LPA: variants seen among roughly 807,000 people sequenced by gnomAD.
LPA encodes the protein lipoprotein(a).
In LPA, 199 loss-of-function variants were observed where a neutral mutation model predicts 197.9. The ratio of observed to expected loss-of-function variants is 1.01; its 90% CI spans 0.90 to 1.13. LPA has a LOEUF of 1.13. LPA is among the 50% of genes most tolerant of loss of function. The pLI is 0.00. For synonymous variants in LPA, 715 were observed against 639.5 expected (o/e 1.12, Z -1.78); for missense variants, 1,853 against 1,785.8 (o/e 1.04, Z -0.68).
chr6:160,555,463 GTATATATATATGTA>G (rs1215825865), intron 30 of LPA, among the ~76,000 whole-genome samples: 1 of 103,740 alleles, frequency 9.6e-6, no homozygotes, highest in Non-Finnish European at 2.1e-5. Flanking sequence ...ATATGTGTGT[GTATATATATATGTA>G]TATATATATG....
chr6:160,611,585 C>T lies in LPA; in HGVS notation c.2580G>A (p.Arg860=). 2 of 1,604,838 alleles carry T rather than the reference C, an allele frequency of 1.2e-6. No individual in the cohort carries two copies. Among genetic ancestry groups the T allele is most frequent in the Middle Eastern group, 2.0e-4 (1 of 5,000 alleles). The change falls in exon 16 of 39, where the codon CGG becomes CGA. Residue 860 remains arginine, a synonymous_variant. Transcript: ENST00000316300. The part of the protein sequence containing the change: ...WSSMTPHSHS[R]TPEYYPNAGL... ...ACGCATTTGGGTAGTATTCTGGGGT[C>T]CGACTATGCGAGTGTGGTGTCATAG... is the stretch of plus-strand genomic sequence containing the variant.
chr6:160,594,108 T>G lies in LPA; in HGVS notation c.3479A>C (p.Glu1160Ala). The change falls in exon 22 of 39, where the codon GAG becomes GCG. Residue 1160 changes from glutamate (E) to alanine (A), a missense_variant. By Grantham distance (107) the Glu-to-Ala change is moderately radical. This residue lies in a region of LPA where 1,737 missense variants were observed against 1,504.4 expected (regional missense o/e 1.15). Transcript: ENST00000316300. Reference sequence around the variant, plus strand: ...GCAATCCTGGACCCCGGGGCTTTGCTCCGTTGGTGCTGAAATTCAAAGAGG... The same window carrying G: ...GCAATCCTGGACCCCGGGGCTTTGCGCCGTTGGTGCTGAAATTCAAAGAGG... ...TEASSEEAPT[E>A]QSPGVQDCYH... 1 of 1,613,830 alleles carries G rather than the reference T, an allele frequency of 6.2e-7. No individual in the cohort carries two copies. Among genetic ancestry groups the G allele is most frequent in the Middle Eastern group, 1.7e-4 (1 of 6,060 alleles).
At chr6:160,555,287 A>ATATTT (rs1412887783) in intron 30 of LPA, among the ~76,000 whole-genome samples, 2 of 107,186 alleles carry the variant, frequency 1.9e-5, no homozygotes, top group African/African-American at 7.5e-5. Flanking sequence ...ATATTATATT[A>ATATTT]TATGTTAGTG....
chr6:160,607,759 G>C (rs943417427), intron 16 of LPA, among the ~76,000 whole-genome samples: 2 of 152,046 alleles, frequency 1.3e-5, no homozygotes, highest in Non-Finnish European at 2.9e-5. Flanking sequence ...CCAGGAAGCT[G>C]GTTCAATGAG....
At chr6:160,571,799 A>G (rs1778566777) in intron 28 of LPA, among the ~76,000 whole-genome samples, 1 of 152,176 alleles carries the variant, frequency 6.6e-6, no homozygotes, top group Non-Finnish European at 1.5e-5. Flanking sequence ...AGTGGAGCTT[A>G]GCTTGCTGGG....
intron 1 of LPA, among the ~76,000 whole-genome samples, chr6:160,654,940 T>A (rs1373527554): frequency 6.6e-6 from 1 of 152,126 alleles, no homozygotes; most frequent in Admixed American, 6.6e-5. Context: ...GAACTCCCCA[T>A]GAGGCCATTG....
chr6:160,548,375 A>C, intron 31 of LPA, 103 bp downstream of exon 31: 1 of 1,197,752 alleles, frequency 8.3e-7, no homozygotes, highest in Non-Finnish European at 1.2e-6. Context: ...CCCGTGTAGC[A>C]CTAAAGGCTT....
At chr6:160,562,905 T>C (rs1481867277) in intron 28 of LPA, among the ~76,000 whole-genome samples, 1 of 152,096 alleles carries the variant, frequency 6.6e-6, no homozygotes, top group African/African-American at 2.4e-5. Context: ...TGTGGCATCA[T>C]TGGTGATATC....
At chr6:160,591,163 T>A in intron 22 of LPA, 62 bp from the exon 23 acceptor site, 2 of 1,597,086 alleles carry the variant, frequency 1.3e-6, no homozygotes, top group Non-Finnish European at 1.7e-6. Context: ...GCACCAGACA[T>A]CCTCTACATT....
Position 160,650,415 on chromosome 6 carries a change from G to A in LPA, c.132C>T (p.Val44=), listed in dbSNP as rs1300037211. Residue 44 remains valine (V), a synonymous_variant, in exon 2 of 39, where the codon GTC becomes GTT. Transcript: ENST00000316300. ...QSYRGTYSTT[V]TGRTCQAWSS... ...ACCAAGCTTGGCAGGTCCTTCCTGT[G>A]ACAGTGGTGGAGTACGTGCCTCGAT... 8.1e-6 allele frequency: 13 copies of A among 1,613,878 alleles called. No homozygotes were observed. The highest frequency in any genetic ancestry group is 1.1e-5 in the Non-Finnish European group (13 of 1,179,812).
rs745868829 is a variant in LPA, at chr6:160,601,026, A to G, written c.3018T>C (p.Ser1006=). The G allele has an allele frequency of 6.2e-7, 1 of 1,614,070 alleles. No homozygotes were observed. The highest frequency in any genetic ancestry group is 8.5e-7 in the Non-Finnish European group (1 of 1,179,938). Residue 1006 remains serine (S), a synonymous_variant, in exon 19 of 39, where the codon AGT becomes AGC. Transcript: ENST00000316300. The part of the protein sequence containing the change: ...AAPWCYTTDP[S]VRWEYCNLTR... Reference sequence around the variant, plus strand: ...TCAGGTTGCAGTACTCCCACCTGACACTGGGATCTGTTGTATAACACCAAG... The same window carrying G: ...TCAGGTTGCAGTACTCCCACCTGACGCTGGGATCTGTTGTATAACACCAAG...
intron 29 of LPA, among the ~76,000 whole-genome samples, chr6:160,556,733 A>G (rs1778271498): frequency 6.6e-6 from 1 of 152,034 alleles, no homozygotes; most frequent in African/African-American, 2.4e-5. Flanking sequence ...AGAGACAGGG[A>G]ATCCTCTTGT....
intron 2 of LPA, among the ~76,000 whole-genome samples, chr6:160,646,981 G>T (rs1173191331): frequency 6.6e-6 from 1 of 152,152 alleles, no homozygotes; most frequent in East Asian, 1.9e-4. Context: ...TGTGCAAATA[G>T]TATTACTGTC....
In LPA at chr6:160,532,496, G is replaced by A. The variant is rs1226775063; in HGVS notation, c.5961+35C>T. ...CTAAGGGACTGAGACTGAGACGGGAGAGCACAAGACTTTGATCTATTGATC... is the reference window on the plus strand; with the variant it reads ...CTAAGGGACTGAGACTGAGACGGGAAAGCACAAGACTTTGATCTATTGATC... On this transcript the variant is annotated intron_variant, in intron 38 of 38. Coordinates refer to ENST00000316300, the MANE Select transcript of LPA (RefSeq NM_005577.4). The A allele has an allele frequency of 4.0e-6, 6 of 1,491,518 alleles. No homozygotes were observed. The South Asian group carries it at 4.5e-5, about 11-fold the overall frequency. 92.4% of individuals were successfully genotyped at this position (1,491,518 alleles called of 1,614,324 possible).
chr6:160,585,554 A>G (rs1458236359), intron 25 of LPA, among the ~76,000 whole-genome samples: 1 of 152,140 alleles, frequency 6.6e-6, no homozygotes, highest in Non-Finnish European at 1.5e-5. Flanking sequence ...GGTGCCATGC[A>G]TCAAGCTGTT....
At chr6:160,586,322 C>T in intron 25 of LPA, 127 bp downstream of exon 25, 3 of 1,100,794 alleles carry the variant, frequency 2.7e-6, no homozygotes, top group Middle Eastern at 2.5e-4. Flanking sequence ...GCTTCCTTCC[C>T]ATTGGCTGTC....
chr6:160,652,435 A>G (rs976226126), intron 1 of LPA, among the ~76,000 whole-genome samples: 3 of 152,156 alleles, frequency 2.0e-5, no homozygotes, highest in African/African-American at 7.2e-5. Flanking sequence ...CCCAGTATCT[A>G]TACTCAGCAA....
intron 2 of LPA, among the ~76,000 whole-genome samples, chr6:160,648,421 C>A (rs756876529): frequency 3.9e-5 from 6 of 152,080 alleles, no homozygotes; most frequent in Non-Finnish European, 8.8e-5. Context: ...TTTCAGCCAT[C>A]CTTGCTTTCA....
chr6:160,609,687 A>G (rs1167220662), intron 16 of LPA, among the ~76,000 whole-genome samples: 2 of 151,982 alleles, frequency 1.3e-5, no homozygotes, highest in Non-Finnish European at 2.9e-5. Flanking sequence ...ACATGCAGGA[A>G]ATCTTCTTAT....
Sources: gnomAD v4.1 joint callset for allele counts (sites outside exome capture counted in the v4.1 genomes callset) on GRCh38, gnomAD v4.1.1 for gene constraint, gnomAD v4.1.1 regional missense constraint, MANE v1.5 for transcripts, NCBI Gene and HGNC (gene_info 2026-07-23, HGNC 2026-07-21) for gene names.